SLC16A7: variants seen among roughly 807,000 people sequenced by gnomAD.
SLC16A7 encodes the protein monocarboxylate transporter 2.
Under a neutral mutation model 34.9 loss-of-function variants are expected in SLC16A7, and 33 were observed. That is an observed-to-expected ratio of 0.94 (90% CI 0.72 to 1.26). SLC16A7 has a LOEUF of 1.26. Among genes scored for constraint, SLC16A7 ranks in the 50% most tolerant of loss-of-function variants. The pLI is 0.00. For synonymous variants in SLC16A7, 201 were observed against 206.6 expected (o/e 0.97, Z 0.23); for missense variants, 573 against 578.1 (o/e 0.99, Z 0.09).
chr12:59,711,309 A>C (rs1343859961), intron 3 of SLC16A7, among the ~76,000 whole-genome samples: 1 of 152,194 alleles, frequency 6.6e-6, no homozygotes, highest in Admixed American at 6.5e-5. Context: ...TAAAGAGATT[A>C]ATATGTTATG....
At chr12:59,747,769 G>A (rs1234422973) in intron 3 of SLC16A7, among the ~76,000 whole-genome samples, 3 of 152,204 alleles carry the variant, frequency 2.0e-5, no homozygotes, top group Non-Finnish European at 4.4e-5. Flanking sequence ...GTAAGCAGAG[G>A]CAACCTTAGT....
chr12:59,663,649 G>T (rs926210781), intron 2 of SLC16A7, among the ~76,000 whole-genome samples: 1 of 152,000 alleles, frequency 6.6e-6, no homozygotes, highest in African/African-American at 2.4e-5. Context: ...GAAATCCATA[G>T]TATAATTTTT....
At chr12:59,749,035 T>A (rs535354095) in intron 3 of SLC16A7, among the ~76,000 whole-genome samples, 1 of 152,186 alleles carries the variant, frequency 6.6e-6, no homozygotes, top group East Asian at 1.9e-4. Flanking sequence ...GAAAAAATCA[T>A]TGAGAAGAAA....
At chr12:59,683,246 T>C (rs77017258) in intron 2 of SLC16A7, among the ~76,000 whole-genome samples, 4,369 of 152,276 alleles carry the variant, frequency 0.029, 107 homozygotes, top group Non-Finnish European at 0.049. Context: ...TATGAAATTA[T>C]GAAAAATAGG....
chr12:59,644,106 A>G (rs983488264), intron 1 of SLC16A7, among the ~76,000 whole-genome samples: 1 of 152,220 alleles, frequency 6.6e-6, no homozygotes, highest in African/African-American at 2.4e-5. Context: ...GCATAAAATC[A>G]AAATAGTAAT....
intron 1 of SLC16A7, among the ~76,000 whole-genome samples, chr12:59,635,869 A>T (rs1229516678): frequency 2.0e-5 from 3 of 152,014 alleles, no homozygotes; most frequent in South Asian, 4.1e-4. Flanking sequence ...TATGTATGTT[A>T]ATAATGACAT....
Position 59,611,293 on chromosome 12 carries a change from A to G in SLC16A7, c.-130+15057A>G, listed in dbSNP as rs551425175. 1.6e-3 allele frequency among the ~76,000 whole-genome samples: 242 copies of G among 152,350 alleles called. 3 individuals are homozygous for G. The highest frequency in any genetic ancestry group is 1.9e-4 in the Non-Finnish European group (13 of 68,030). On this transcript the variant is annotated intron_variant, in intron 1 of 5. Coordinates refer to ENST00000547379, the MANE Select transcript of SLC16A7 (RefSeq NM_001270623.2). ...GGGGGAAGCAAACATGTCCTTCTTC[A>G]CATGGCAGCAGGAGAGAGAAATGAG... is the stretch of plus-strand genomic sequence containing the variant.
intron 3 of SLC16A7, chr12:59,768,214 G>T (rs978281405): frequency 4.4e-6 from 2 of 455,464 alleles, no homozygotes; most frequent in Admixed American, 2.4e-5. Context: ...ATAACATCAC[G>T]ATCATTCACT....
At chr12:59,660,918 T>A (rs1868815098) in intron 2 of SLC16A7, among the ~76,000 whole-genome samples, 1 of 152,138 alleles carries the variant, frequency 6.6e-6, no homozygotes, top group Non-Finnish European at 1.5e-5. Context: ...GTAGTGTTTT[T>A]AAAACCAGGA....
At chr12:59,609,161 A>G (rs886943038) in intron 1 of SLC16A7, among the ~76,000 whole-genome samples, 2 of 152,230 alleles carry the variant, frequency 1.3e-5, no homozygotes, top group African/African-American at 2.4e-5. Flanking sequence ...AGATGCTTAT[A>G]TAACCTACTT....
intron 2 of SLC16A7, among the ~76,000 whole-genome samples, chr12:59,696,201 A>T (rs549045177): frequency 7.9e-5 from 12 of 151,320 alleles, no homozygotes; most frequent in Admixed American, 3.3e-4. Context: ...TTTTATTTTA[A>T]TTTTTTCTCA....
At chr12:59,669,273 C>T (rs1869469409) in intron 2 of SLC16A7, among the ~76,000 whole-genome samples, 1 of 151,914 alleles carries the variant, frequency 6.6e-6, no homozygotes, top group Admixed American at 6.6e-5. Flanking sequence ...TGAAACAATC[C>T]ACATACAATT....
intron 1 of SLC16A7, among the ~76,000 whole-genome samples, chr12:59,624,201 T>G (rs1879821889): frequency 6.6e-6 from 1 of 151,612 alleles, no homozygotes; most frequent in African/African-American, 2.4e-5. Context: ...TACATGAATC[T>G]CCATAGTCTC....
At position 59,718,728 on chromosome 12, in the gene SLC16A7, C is replaced by G. The variant is rs993292138; in HGVS notation, c.217+13710C>G. On this transcript the variant is annotated intron_variant, in intron 3 of 5. Coordinates refer to ENST00000547379, the MANE Select transcript of SLC16A7 (RefSeq NM_001270623.2). ...ATTCAAAATTATCCAAAGATGTGGA[C>G]AGCTTCTGCAGCATGGGAACTAGGG... Among the ~76,000 whole-genome samples the G allele has an allele frequency of 5.9e-5, 9 of 152,208 alleles. 1 individual carries two copies. In the South Asian group the frequency reaches 8.3e-4, roughly 14 times the overall value.
intron 2 of SLC16A7, among the ~76,000 whole-genome samples, chr12:59,657,049 T>C (rs1444598949): frequency 6.6e-6 from 1 of 151,932 alleles, no homozygotes; most frequent in Non-Finnish European, 1.5e-5. Context: ...ACTTAGAATA[T>C]TATTAATACT....
rs549132865 is a variant in SLC16A7, at chr12:59,786,191, T to TAAATAAAATAAAATA, written c.*6519_*6533dup. 0.018 allele frequency: 2,648 copies of TAAATAAAATAAAATA among 150,366 alleles called. 81 individuals carry two copies. Among genetic ancestry groups the TAAATAAAATAAAATA allele is most frequent in the African/African-American group, 0.061 (2,493 of 40,870 alleles). The allele number at this position is 150,366 out of a possible 1,614,324, so 9.3% of individuals were successfully genotyped here. A position where few individuals can be genotyped will look rare whatever the true frequency, so the allele number is the denominator to read the frequency against. The stretch of plus-strand genomic sequence containing the variant: ...CCTAAAACTTAAAGTATAATAATAA[T>TAAATAAAATAAAATA]AAATAAAATAAAATAAAATAATAAA... On this transcript the variant is annotated 3_prime_UTR_variant, in exon 6 of 6. Transcript: ENST00000547379.
At chr12:59,765,089 A>T (rs572826686) in intron 3 of SLC16A7, among the ~76,000 whole-genome samples, 58 of 152,178 alleles carry the variant, frequency 3.8e-4, no homozygotes, top group African/African-American at 1.1e-3. Flanking sequence ...CCAGTGATGA[A>T]GAGCATTTTT....
At chr12:59,757,416 A>T (rs886283439) in intron 3 of SLC16A7, among the ~76,000 whole-genome samples, 1 of 152,174 alleles carries the variant, frequency 6.6e-6, no homozygotes, top group African/African-American at 2.4e-5. Context: ...AAAAGAAGAC[A>T]AAGTAGTTCC....
intron 1 of SLC16A7, among the ~76,000 whole-genome samples, chr12:59,630,515 A>G (rs1221856195): frequency 6.6e-6 from 1 of 151,890 alleles, no homozygotes; most frequent in Non-Finnish European, 1.5e-5. Flanking sequence ...AATGAAACAC[A>G]TACAGAAATT....
Sources: allele counts gnomAD v4.1 joint callset (sites outside exome capture counted in the v4.1 genomes callset), GRCh38; gene constraint gnomAD v4.1.1; transcripts MANE v1.5; gene names NCBI Gene and HGNC (gene_info 2026-07-23, HGNC 2026-07-21).